RAB3C: variants seen among roughly 807,000 people sequenced by gnomAD.
RAB3C encodes the protein ras-related protein Rab-3C.
In RAB3C, 17 loss-of-function variants were observed where a neutral mutation model predicts 26.4. The observed-to-expected ratio is 0.64, with a 90% confidence interval of 0.44 to 0.97. The LOEUF is 0.97. Among genes scored for constraint, RAB3C ranks in the 50% least tolerant of loss-of-function variants. The pLI is 0.00. For missense variants in RAB3C, 242 were observed against 281.9 expected, an observed-to-expected ratio of 0.86 and a Z score of 1.01; for synonymous variants, 91 against 95.9, an observed-to-expected ratio of 0.95 and a Z score of 0.30.
chr5:58,684,739 G>T (rs757086336), intron 2 of RAB3C, among the ~76,000 whole-genome samples: 17 of 152,138 alleles, frequency 1.1e-4, no homozygotes, highest in Non-Finnish European at 2.2e-4. Flanking sequence ...CTTTCTGGGG[G>T]ATCAGAAGTC....
intron 3 of RAB3C, among the ~76,000 whole-genome samples, chr5:58,754,353 CT>C (rs1561310580): frequency 1.5e-5 from 2 of 132,296 alleles, no homozygotes; most frequent in African/African-American, 2.5e-5. Context: ...ACGCTCCTTA[CT>C]TTGGGGGCTG....
At chr5:58,634,217 C>T (rs1247348014) in intron 2 of RAB3C, among the ~76,000 whole-genome samples, 3 of 152,046 alleles carry the variant, frequency 2.0e-5, no homozygotes, top group African/African-American at 4.8e-5. Context: ...CATCACTGTT[C>T]TTCTTTCCCA....
At chr5:58,730,584 A>G (rs1740992022) in intron 3 of RAB3C, among the ~76,000 whole-genome samples, 1 of 152,140 alleles carries the variant, frequency 6.6e-6, no homozygotes, top group South Asian at 2.1e-4. Flanking sequence ...TCTAGCAAAA[A>G]GAAAAATTAA....
chr5:58,592,250 C>T (rs1579803256), intron 1 of RAB3C, among the ~76,000 whole-genome samples: 5 of 151,950 alleles, frequency 3.3e-5, no homozygotes, highest in South Asian at 4.1e-4. Context: ...GGTGTTTATC[C>T]TACGGATTAC....
chr5:58,717,601 C>T (rs1191830517), intron 2 of RAB3C, among the ~76,000 whole-genome samples: 1 of 152,110 alleles, frequency 6.6e-6, no homozygotes, highest in East Asian at 1.9e-4. Flanking sequence ...ATTTCTTCAG[C>T]TCCCTTCTGC....
intron 4 of RAB3C, among the ~76,000 whole-genome samples, chr5:58,843,977 T>TA (rs1031571971): frequency 8.6e-5 from 13 of 151,984 alleles, no homozygotes; most frequent in Non-Finnish European, 1.5e-4. Context: ...TTTCAAAAGT[T>TA]AAAAAAAACC....
intron 1 of RAB3C, among the ~76,000 whole-genome samples, chr5:58,584,705 A>G (rs1475786497): frequency 6.6e-6 from 1 of 152,178 alleles, no homozygotes; most frequent in Non-Finnish European, 1.5e-5. Context: ...TTAAATTTAC[A>G]CAATAAAAAA....
At chr5:58,721,368 C>A (rs1372426447) in intron 2 of RAB3C, among the ~76,000 whole-genome samples, 1 of 150,728 alleles carries the variant, frequency 6.6e-6, no homozygotes, top group Non-Finnish European at 1.5e-5. Flanking sequence ...TTTTTTCAGT[C>A]ACGAGAAGCC....
rs543447853 is a variant in RAB3C, at chr5:58,701,372, T to C, written c.253-24630T>C. ...TTATCAATTTTACCTTTGAAATGCCTTCAGAATCTTTCTCATTCTGAAGAT... is the reference window on the plus strand; with the variant it reads ...TTATCAATTTTACCTTTGAAATGCCCTCAGAATCTTTCTCATTCTGAAGAT... On this transcript the variant is annotated intron_variant, in intron 2 of 4. Coordinates refer to ENST00000282878, the MANE Select transcript of RAB3C (RefSeq NM_138453.4). Among the ~76,000 whole-genome samples the C allele has an allele frequency of 5.3e-5, 8 of 152,264 alleles. No homozygotes were observed. In the East Asian group the frequency reaches 1.5e-3, roughly 29 times the overall value.
chr5:58,639,948 C>T (rs1322409809), intron 2 of RAB3C, among the ~76,000 whole-genome samples: 1 of 152,128 alleles, frequency 6.6e-6, no homozygotes, highest in Non-Finnish European at 1.5e-5. Context: ...TCATGAATTC[C>T]TAACATTTCC....
At chr5:58,693,153 T>TCATTATATA (rs1554048023) in intron 2 of RAB3C, among the ~76,000 whole-genome samples, 1 of 146,954 alleles carries the variant, frequency 6.8e-6, no homozygotes, top group African/African-American at 2.5e-5. Flanking sequence ...TATATTTGTA[T>TCATTATATA]AATTATATAA....
chr5:58,753,887 T>C (rs981224683), intron 3 of RAB3C, among the ~76,000 whole-genome samples: 1 of 152,140 alleles, frequency 6.6e-6, no homozygotes, highest in Admixed American at 6.5e-5. Flanking sequence ...CCTTCTAATG[T>C]CTCCAAACAG....
intron 2 of RAB3C, among the ~76,000 whole-genome samples, chr5:58,624,949 G>A (rs1747021601): frequency 6.6e-6 from 1 of 152,062 alleles, no homozygotes; most frequent in Non-Finnish European, 1.5e-5. Context: ...AGCTGTGTGT[G>A]GTTTATAGGT....
intron 1 of RAB3C, among the ~76,000 whole-genome samples, chr5:58,612,246 TA>T (rs1238731942): frequency 6.6e-6 from 1 of 152,178 alleles, no homozygotes; most frequent in East Asian, 1.9e-4. Flanking sequence ...AATTTTAAAA[TA>T]TTTTTTTCTA....
intron 4 of RAB3C, among the ~76,000 whole-genome samples, chr5:58,837,383 T>A (rs1743772614): frequency 6.6e-6 from 1 of 151,938 alleles, no homozygotes; most frequent in East Asian, 1.9e-4. Flanking sequence ...GGTTTTGCCA[T>A]GTTTGCCAGG....
At chr5:58,814,551 T>C (rs1222208491) in intron 3 of RAB3C, 1 of 152,188 alleles carries the variant, frequency 6.6e-6, no homozygotes, top group Non-Finnish European at 1.5e-5. Context: ...CCCAGGACAA[T>C]ATAAATCTTG....
chr5:58,690,676 A>G (rs1748552922), intron 2 of RAB3C, among the ~76,000 whole-genome samples: 1 of 152,148 alleles, frequency 6.6e-6, no homozygotes. Context: ...GGCCTCTGGA[A>G]AGTAAAAAAC....
intron 2 of RAB3C, among the ~76,000 whole-genome samples, chr5:58,693,336 GTATATA>G (rs61291213): frequency 8.9e-6 from 1 of 111,774 alleles, no homozygotes; most frequent in African/African-American, 3.7e-5. Context: ...ATATATATGT[GTATATA>G]TATATATATA....
intron 3 of RAB3C, among the ~76,000 whole-genome samples, chr5:58,762,203 G>T (rs1431830737): frequency 6.6e-6 from 1 of 152,020 alleles, no homozygotes; most frequent in Non-Finnish European, 1.5e-5. Flanking sequence ...CTTTATATGT[G>T]CAGCACATTG....
Sources: allele counts gnomAD v4.1 joint callset (sites outside exome capture counted in the v4.1 genomes callset), GRCh38; gene constraint gnomAD v4.1.1; transcripts MANE v1.5; gene names NCBI Gene and HGNC (gene_info 2026-07-23, HGNC 2026-07-21).